S100A8: variants seen among roughly 807,000 people sequenced by gnomAD.
The protein encoded by S100A8 is S100 calcium binding protein A8.
In S100A8, 1 loss-of-function variant was observed where a neutral mutation model predicts 4.2. The observed-to-expected ratio is 0.24, with a 90% CI of 0.08 to 1.12. The LOEUF (loss-of-function observed/expected upper bound fraction) is 1.12. Among genes scored for constraint, S100A8 ranks in the 50% most tolerant of loss-of-function variants. The pLI, the probability that S100A8 is intolerant of heterozygous loss-of-function variation, is 0.53. For missense variants in S100A8, 96 were observed against 111.8 expected (o/e 0.86, Z 0.64); for synonymous variants, 41 against 44.7 (o/e 0.92, Z 0.33).
chr1:153,397,196 A>G, the S100A8 span, among the ~76,000 whole-genome samples: 1 of 152,192 alleles, frequency 6.6e-6, no homozygotes, highest in African/African-American at 2.4e-5. Context: ...TTCCTCCTCC[A>G]CACTGGGAGC....
chr1:153,413,803 A>T, the S100A8 span, among the ~76,000 whole-genome samples: 10 of 152,162 alleles, frequency 6.6e-5, no homozygotes, highest in Admixed American at 5.9e-4. Context: ...CAGAAGGCCG[A>T]GGCAGGAGAA....
At chr1:153,422,435 T>C in the S100A8 span, 1 of 848,388 alleles carries the variant, frequency 1.2e-6, no homozygotes, top group South Asian at 5.4e-5. Flanking sequence ...AGAATTTACT[T>C]GATTTGGAAT....
chr1:153,414,344 A>G, the S100A8 span, among the ~76,000 whole-genome samples: 5 of 152,244 alleles, frequency 3.3e-5, no homozygotes, highest in Non-Finnish European at 5.9e-5. Context: ...GGGAGAAAAT[A>G]TTTACAAAAG....
At chr1:153,391,225 A>C, upstream of S100A8, 1 of 985,286 alleles carries the variant, frequency 1.0e-6, no homozygotes, top group East Asian at 1.1e-4. Flanking sequence ...GCAGAATGAA[A>C]ATTTTGGGTG....
chr1:153,391,666 T>C (rs1662101556), upstream of S100A8, among the ~76,000 whole-genome samples: 1 of 152,148 alleles, frequency 6.6e-6, no homozygotes, highest in African/African-American at 2.4e-5. Context: ...CCAAGGGCTA[T>C]ATCCATTCCT....
chr1:153,403,601 G>A, the S100A8 span, among the ~76,000 whole-genome samples: 8 of 151,970 alleles, frequency 5.3e-5, no homozygotes, highest in African/African-American at 1.9e-4. Flanking sequence ...CACCCTGTGG[G>A]CCACGGCCCT....
chr1:153,419,325 G>A, the S100A8 span: 1 of 1,610,130 alleles, frequency 6.2e-7, no homozygotes, highest in South Asian at 1.1e-5. Context: ...CCCCACCAAG[G>A]GGCCTCCAGA....
At chr1:153,413,928 A>G in the S100A8 span, among the ~76,000 whole-genome samples, 9 of 152,200 alleles carry the variant, frequency 5.9e-5, no homozygotes, top group Non-Finnish European at 8.8e-5. Flanking sequence ...AAGAAAGAAA[A>G]AAAAGATAAG....
At chr1:153,396,014 G>A (rs568474190), upstream of S100A8, among the ~76,000 whole-genome samples, 35 of 152,354 alleles carry the variant, frequency 2.3e-4, no homozygotes, top group African/African-American at 7.0e-4. Flanking sequence ...TGTGGTGGGT[G>A]AGTGAGTGAC....
intron 1 of S100A8, chr1:153,390,793 A>T (rs945656597): frequency 1.8e-6 from 1 of 565,688 alleles, no homozygotes; most frequent in Non-Finnish European, 2.9e-6. Context: ...GGGCCCGTAG[A>T]CTTTCCTTAC....
chr1:153,408,422 A>T, the S100A8 span, among the ~76,000 whole-genome samples: 1 of 152,208 alleles, frequency 6.6e-6, no homozygotes, highest in African/African-American at 2.4e-5. Flanking sequence ...AGAGAAGTTT[A>T]GAGAAAAAAG....
upstream of S100A8, among the ~76,000 whole-genome samples, chr1:153,395,906 C>T (rs1290199481): frequency 6.6e-6 from 1 of 152,250 alleles, no homozygotes; most frequent in Admixed American, 6.5e-5. Flanking sequence ...CTCAGCCCCA[C>T]CCTTGTTCAC....
the S100A8 span, among the ~76,000 whole-genome samples, chr1:153,399,943 A>G: frequency 6.6e-6 from 1 of 152,194 alleles, no homozygotes; most frequent in Non-Finnish European, 1.5e-5. Context: ...GTTAGAAGAA[A>G]CAAGGCTGGA....
At chr1:153,407,464 G>T in the S100A8 span, among the ~76,000 whole-genome samples, 1 of 152,218 alleles carries the variant, frequency 6.6e-6, no homozygotes, top group South Asian at 2.1e-4. Context: ...AAACAAAGCA[G>T]CCAGGAAGCG....
chr1:153,406,283 G>A, the S100A8 span, among the ~76,000 whole-genome samples: 2 of 152,182 alleles, frequency 1.3e-5, no homozygotes, highest in African/African-American at 2.4e-5. Flanking sequence ...TGGCTGGGCG[G>A]CAGCAAACAT....
the S100A8 span, among the ~76,000 whole-genome samples, chr1:153,417,494 T>C: frequency 6.6e-6 from 1 of 152,172 alleles, no homozygotes; most frequent in South Asian, 2.1e-4. Flanking sequence ...GAGAGGGCTG[T>C]GTTTCCTGCT....
At chr1:153,393,797 C>T (rs751365304), upstream of S100A8, among the ~76,000 whole-genome samples, 44 of 152,200 alleles carry the variant, frequency 2.9e-4, no homozygotes, top group Non-Finnish European at 5.7e-4. Context: ...TTCCCAGCAA[C>T]CTAGTGATGT....
chr1:153,412,902 C>A, the S100A8 span, among the ~76,000 whole-genome samples: 1 of 152,320 alleles, frequency 6.6e-6, no homozygotes, highest in East Asian at 1.9e-4. Context: ...CCAAACATCA[C>A]ATGTTCTCAC....
rs146790966 is a variant in S100A8, at chr1:153,390,527, G to A, written c.9C>T (p.Thr3=). 2.2e-5 allele frequency: 35 copies of A among 1,614,022 alleles called. No homozygotes were observed. The highest frequency in any genetic ancestry group is 5.5e-5 in the South Asian group (5 of 91,078). ...TAGAGTTCAAGGCTTTCTCCAGCTC[G>A]GTCAACATGATGCCCACGGACTTGC... ML[T]ELEKALNSII... Residue 3 remains threonine, a synonymous_variant, in exon 2 of 3, where the codon ACC becomes ACT. Transcript: ENST00000368733.
Sources: gnomAD v4.1 joint callset for allele counts (sites outside exome capture counted in the v4.1 genomes callset) on GRCh38, gnomAD v4.1.1 for gene constraint, MANE v1.5 for transcripts, NCBI Gene and HGNC (gene_info 2026-07-23, HGNC 2026-07-21) for gene names.